MYH9: variants seen among roughly 807,000 people sequenced by gnomAD.
MYH9 encodes myosin heavy chain 9.
MYH9 carries 29 observed loss-of-function variants against 241.9 expected under a neutral mutation model. That is an observed-to-expected ratio of 0.12 (90% CI 0.09 to 0.16). The LOEUF (loss-of-function observed/expected upper bound fraction) is 0.16, where lower values mean the gene tolerates loss of function less well. Ranked by LOEUF, MYH9 falls within the 10% of genes least tolerant of loss-of-function variation. MYH9 has a pLI of 1.00. For synonymous variants in MYH9, 1,047 were observed against 1,062.6 expected (o/e 0.99, Z 0.29); for missense variants, 1,803 against 2,595.5 (o/e 0.69, Z 6.63).
chr22:36,294,379 C>A (rs977531827), intron 27 of MYH9, 81 bp from the exon 28 acceptor site: 1 of 1,454,496 alleles, frequency 6.9e-7, no homozygotes, highest in African/African-American at 1.4e-5. Context: ...GACCCTAGAT[C>A]CAGACATCGC....
intron 1 of MYH9, among the ~76,000 whole-genome samples, chr22:36,374,115 G>A (rs2018129541): frequency 6.6e-6 from 1 of 151,832 alleles, no homozygotes; most frequent in East Asian, 1.9e-4. Flanking sequence ...GGGCGCGGTG[G>A]CTCACACCTG....
intron 1 of MYH9, among the ~76,000 whole-genome samples, chr22:36,354,174 T>C (rs749506635): frequency 2.0e-5 from 3 of 152,032 alleles, no homozygotes; most frequent in Non-Finnish European, 2.9e-5. Context: ...AGTGCTGGGA[T>C]TACAGGTGTG....
chr22:36,282,769 A>T lies in MYH9; in HGVS notation c.5782T>A (p.Phe1928Ile). 1.2e-6 allele frequency: 2 copies of T among 1,611,892 alleles called. No individual in the cohort carries two copies. Among genetic ancestry groups the T allele is most frequent in the Non-Finnish European group, 1.7e-6 (2 of 1,179,884 alleles). Residue 1928 changes from phenylalanine to isoleucine, a missense_variant, in exon 41 of 41, where the codon TTT (phenylalanine) becomes ATT (isoleucine). Phe to Ile is a conservative substitution (Grantham distance 21, BLOSUM62 0). Around this residue, in one of 11 missense-constraint regions of MYH9, gnomAD observed 876 missense variants for 1,077.8 expected, o/e 0.81. Coordinates refer to ENST00000216181, the MANE Select transcript of MYH9 (RefSeq NM_002473.6). The part of the protein sequence containing the change: ...KNKLRRGDLP[F>I]VVPRRMARKG... ...CGGGCCATTCGGCGGGGCACGACAA[A>T]CGGCAGGTCCCCGCGCCTGGGGGCA...
Position 36,316,620 on chromosome 22 carries a change from A to C in MYH9, c.1277T>G (p.Phe426Cys). The C allele has an allele frequency of 6.2e-7, 1 of 1,614,078 alleles. No individual in the cohort carries two copies. The highest frequency in any genetic ancestry group is 8.5e-7 in the Non-Finnish European group (1 of 1,180,020). The change falls in exon 12 of 41, where the codon TTC (phenylalanine) becomes TGC (cysteine). Residue 426 changes from phenylalanine to cysteine, a missense_variant. Around this residue, in one of 11 missense-constraint regions of MYH9, gnomAD observed 222 missense variants for 359.9 expected, o/e 0.62. Coordinates refer to ENST00000216181, the MANE Select transcript of MYH9 (RefSeq NM_002473.6). ...GTTGATGCGCAGCACCAGCCAGCGG[A>C]ACATCCGCTCATAGGTCGCCTTGGC... ...ALAKATYERM[F>C]RWLVLRINKA...
At chr22:36,375,235 A>AGGTTGCCTGGCTAGCT (rs199916670) in intron 1 of MYH9, among the ~76,000 whole-genome samples, 4,307 of 152,278 alleles carry the variant, frequency 0.028, 74 homozygotes, top group African/African-American at 0.038. Flanking sequence ...ACATGATGGC[A>AGGTTGCCTGGCTAGCT]GGTTGCCTGG....
In MYH9 at chr22:36,285,885, G is replaced by C; in HGVS notation, c.5130C>G (p.Ile1710Met). Residue 1710 changes from isoleucine to methionine, a missense_variant, in exon 36 of 41, where the codon ATC (isoleucine) becomes ATG (methionine). By Grantham distance (10) the Ile-to-Met change is conservative (BLOSUM62 1). Coordinates refer to ENST00000216181, the MANE Select transcript of MYH9 (RefSeq NM_002473.6). This position sits in a 1 kb window ranked among gnomAD's most constrained non-coding sequence, Gnocchi z 7.0. Reference sequence around the variant, plus strand: ...CTCACCCTTTGCCGCTGCTGTTGGCGATCTCGTCAGCCAGCTCATCCCGCT... The same window carrying C: ...CTCACCCTTTGCCGCTGCTGTTGGCCATCTCGTCAGCCAGCTCATCCCGCT... Reference protein sequence around the residue: ...QQERDELADEIANSSGKGALA... With the variant: ...QQERDELADEMANSSGKGALA... The C allele has an allele frequency of 1.2e-6, 2 of 1,613,376 alleles. No homozygotes were observed. Among genetic ancestry groups the C allele is most frequent in the East Asian group, 2.2e-5 (1 of 44,864 alleles).
chr22:36,335,356 G>A (rs1443740155), intron 3 of MYH9, among the ~76,000 whole-genome samples: 5 of 152,220 alleles, frequency 3.3e-5, no homozygotes, highest in Non-Finnish European at 5.9e-5. Context: ...AGGCACACAG[G>A]GCCTGCTCCC....
chr22:36,355,160 G>C (rs2017836227), intron 1 of MYH9, among the ~76,000 whole-genome samples: 1 of 152,104 alleles, frequency 6.6e-6, no homozygotes, highest in Admixed American at 6.5e-5. Context: ...GGCTTCCTGC[G>C]GGTGCCAGTC....
At position 36,292,198 on chromosome 22, in the gene MYH9, C is replaced by A. The variant is rs778732146; in HGVS notation, c.4132G>T (p.Gly1378Trp). ...DMKKKMEDSV[G>W]CLETAEEVKR... Reference sequence around the variant, plus strand: ...ACCTCCTCAGCAGTTTCCAGGCACCCCACACTGTCCTCCATCTTCTTTTTC... The same window carrying A: ...ACCTCCTCAGCAGTTTCCAGGCACCACACACTGTCCTCCATCTTCTTTTTC... The change falls in exon 31 of 41, where the codon GGG becomes TGG. Residue 1378 changes from glycine to tryptophan, a missense_variant. This residue lies in a region of MYH9 where 876 missense variants were observed against 1,077.8 expected (regional missense o/e 0.81). Coordinates refer to ENST00000216181, the MANE Select transcript of MYH9 (RefSeq NM_002473.6). 27 of 1,613,950 alleles carry A rather than the reference C, an allele frequency of 1.7e-5. No individual in the cohort carries two copies. Among genetic ancestry groups the A allele is most frequent in the Non-Finnish European group, 2.1e-5 (25 of 1,180,044 alleles).
chr22:36,375,789 A>G (rs535863751), intron 1 of MYH9, among the ~76,000 whole-genome samples: 1 of 152,296 alleles, frequency 6.6e-6, no homozygotes, highest in South Asian at 2.1e-4. Flanking sequence ...TTGAGAGGCC[A>G]AGGTGGGAGG....
At chr22:36,314,837 T>G (rs544581996) in intron 12 of MYH9, among the ~76,000 whole-genome samples, 12 of 152,052 alleles carry the variant, frequency 7.9e-5, no homozygotes, top group Non-Finnish European at 1.6e-4. Context: ...TTTGTAGAAA[T>G]GGGGTTTCAC....
At chr22:36,302,700 G>C (rs1286569996) in intron 19 of MYH9, 24 bp from the exon 20 acceptor site, 3 of 1,602,374 alleles carry the variant, frequency 1.9e-6, no homozygotes, top group African/African-American at 2.7e-5. Context: ...AACATGGTCA[G>C]CGCGGAGCAG....
In MYH9 at chr22:36,285,663, G is replaced by A. The variant is rs778663396; in HGVS notation, c.5269C>T (p.Leu1757=). 23 of 1,612,250 alleles carry A rather than the reference G, an allele frequency of 1.4e-5. No homozygotes were observed. Among genetic ancestry groups the A allele is most frequent in the Non-Finnish European group, 1.9e-5 (23 of 1,180,018 alleles). ...LINDRLKKAN[L]QIDQINTDLN... is the part of the protein sequence containing the mutation. ...GGAGAAGTCCTGGCACCCACCTGCA[G>A]GTTGGCCTTCTTCAGCCGGTCGTTG... Residue 1757 remains leucine, a synonymous_variant, in exon 37 of 41, where the codon CTG becomes TTG. Coordinates refer to ENST00000216181, the MANE Select transcript of MYH9 (RefSeq NM_002473.6). The surrounding 1 kb of genome is among the most constrained non-coding windows in gnomAD (Gnocchi z 7.0).
intron 1 of MYH9, among the ~76,000 whole-genome samples, chr22:36,361,069 C>T (rs1261706317): frequency 6.6e-6 from 1 of 152,178 alleles, no homozygotes; most frequent in Non-Finnish European, 1.5e-5. Context: ...ACAGCAGCCT[C>T]GACCTAGGCC....
chr22:36,358,179 C>T (rs1471722628), intron 1 of MYH9, among the ~76,000 whole-genome samples: 2 of 152,208 alleles, frequency 1.3e-5, no homozygotes, highest in Non-Finnish European at 2.9e-5. Context: ...ATTCTCCTGC[C>T]TCAGCCTCCC....
intron 3 of MYH9, among the ~76,000 whole-genome samples, chr22:36,338,923 C>T (rs962787930): frequency 2.0e-5 from 3 of 152,142 alleles, no homozygotes; most frequent in African/African-American, 2.4e-5. Context: ...CATGAAGAGA[C>T]CCTGAATTGC....
At chr22:36,302,475 A>T in intron 20 of MYH9, 93 bp downstream of exon 20, 1 of 1,127,444 alleles carries the variant, frequency 8.9e-7, no homozygotes, top group Non-Finnish European at 1.3e-6. Flanking sequence ...TGGTGAGACC[A>T]CACCTCTACA....
chr22:36,387,514 G>GA (rs1376742553), intron 1 of MYH9, among the ~76,000 whole-genome samples: 2 of 151,916 alleles, frequency 1.3e-5, no homozygotes, highest in Admixed American at 6.5e-5. Context: ...GCCCAGTCCT[G>GA]AGACCGCGCC....
Position 36,300,873 on chromosome 22 carries a change from T to C in MYH9, c.2816A>G (p.Lys939Arg), listed in dbSNP as rs558420659. The change falls in exon 22 of 41, where the codon AAG (lysine) becomes AGG (arginine). Residue 939 changes from lysine (K) to arginine (R), a missense_variant. Lys to Arg is a conservative substitution (Grantham distance 26). Coordinates refer to ENST00000216181, the MANE Select transcript of MYH9 (RefSeq NM_002473.6). This position sits in a 1 kb window ranked among gnomAD's most constrained non-coding sequence, Gnocchi z 5.0. ...ERCQHLQAEK[K>R]KMQQNIQELE... The stretch of plus-strand genomic sequence containing the variant: ...AACCTGGATGTTCTGCTGCATCTTC[T>C]TCTTCTCCGCCTGCAGGTGCTGGCA... 1 of 1,602,944 alleles carries C rather than the reference T, an allele frequency of 6.2e-7. No individual in the cohort carries two copies. The highest frequency in any genetic ancestry group is 1.1e-5 in the South Asian group (1 of 91,084).
Sources: gnomAD v4.1 joint callset for allele counts (sites outside exome capture counted in the v4.1 genomes callset) on GRCh38, gnomAD v4.1.1 for gene constraint, gnomAD v4.1.1 regional missense constraint, Gnocchi (gnomAD v3.1) non-coding constraint, MANE v1.5 for transcripts, NCBI Gene and HGNC (gene_info 2026-07-23, HGNC 2026-07-21) for gene names.